The following GRIK1 variants were observed in gnomAD, a reference collection of about 807,000 sequenced individuals.
GRIK1 encodes the protein glutamate ionotropic receptor kainate type subunit 1.
GRIK1 carries 69 observed loss-of-function variants against 105.7 expected under a neutral mutation model. The ratio of observed to expected loss-of-function variants is 0.65; its 90% CI spans 0.54 to 0.80. The LOEUF (loss-of-function observed/expected upper bound fraction) is 0.80. Among genes scored for constraint, GRIK1 ranks in the 30% least tolerant of loss-of-function variants. The probability of loss-of-function intolerance (pLI) is 0.00; values close to 1 mark genes in which losing one functional copy is unlikely to be tolerated. For synonymous variants in GRIK1, 438 were observed against 431.3 expected (o/e 1.02, Z -0.19); for missense variants, 1,109 against 1,167.3 (o/e 0.95, Z 0.73).
intron 15 of GRIK1, among the ~76,000 whole-genome samples, chr21:29,560,413 C>CTTTCTT (rs1555835335): frequency 1.7e-5 from 2 of 120,860 alleles, no homozygotes; most frequent in Non-Finnish European, 3.3e-5. Flanking sequence ...TTCTTTCTTT[C>CTTTCTT]TTTCTTTCTT....
At chr21:29,810,981 C>G (rs1187942187) in intron 1 of GRIK1, among the ~76,000 whole-genome samples, 3 of 152,074 alleles carry the variant, frequency 2.0e-5, no homozygotes, top group Admixed American at 1.3e-4. Context: ...TTTAAACAAC[C>G]CTTCATGTTC....
intron 7 of GRIK1, among the ~76,000 whole-genome samples, chr21:29,638,739 A>G (rs752716122): frequency 4.6e-5 from 7 of 152,336 alleles, no homozygotes; most frequent in Non-Finnish European, 8.8e-5. Context: ...TCTAACTGCA[A>G]TCTTACTCCA....
intron 1 of GRIK1, among the ~76,000 whole-genome samples, chr21:29,921,001 G>A (rs765412302): frequency 3.9e-5 from 6 of 152,148 alleles, no homozygotes; most frequent in Non-Finnish European, 7.3e-5. Flanking sequence ...CTAGGTTTGT[G>A]TTCATAATCT....
At chr21:29,934,112 T>C (rs1326134171) in intron 1 of GRIK1, among the ~76,000 whole-genome samples, 1 of 152,230 alleles carries the variant, frequency 6.6e-6, no homozygotes, top group Admixed American at 6.5e-5. Flanking sequence ...CAGTTAATTG[T>C]ACACTCTAAC....
chr21:29,609,446 C>G (rs185429098), intron 7 of GRIK1, among the ~76,000 whole-genome samples: 2 of 152,212 alleles, frequency 1.3e-5, no homozygotes, highest in East Asian at 3.9e-4. Context: ...CATTATGTGT[C>G]AATTTGACTG....
intron 7 of GRIK1, among the ~76,000 whole-genome samples, chr21:29,611,777 T>C (rs1025599070): frequency 4.6e-5 from 7 of 152,210 alleles, no homozygotes; most frequent in African/African-American, 1.7e-4. Flanking sequence ...TTTTACATCC[T>C]AACTCTAGAC....
intron 4 of GRIK1, among the ~76,000 whole-genome samples, chr21:29,668,143 CGTT>C (rs2063095803): frequency 6.6e-6 from 1 of 152,146 alleles, no homozygotes; most frequent in Non-Finnish European, 1.5e-5. Context: ...ACTGAACACT[CGTT>C]GTGTGTCAAA....
At chr21:29,783,690 G>A (rs2066184876) in intron 1 of GRIK1, among the ~76,000 whole-genome samples, 1 of 151,984 alleles carries the variant, frequency 6.6e-6, no homozygotes, top group Admixed American at 6.6e-5. Context: ...ACATAATGCT[G>A]CATTTATCTT....
At chr21:29,830,298 C>T (rs1180657726) in intron 1 of GRIK1, among the ~76,000 whole-genome samples, 2 of 145,992 alleles carry the variant, frequency 1.4e-5, no homozygotes, top group South Asian at 2.2e-4. Flanking sequence ...TACACACCCA[C>T]CCACCTCCCC....
chr21:29,544,464 A>G (rs980034907), intron 16 of GRIK1, among the ~76,000 whole-genome samples: 1 of 152,160 alleles, frequency 6.6e-6, no homozygotes, highest in Non-Finnish European at 1.5e-5. Flanking sequence ...GCCCTGTAAT[A>G]TTTTGATATT....
chr21:29,889,163 A>G (rs1371766556), intron 1 of GRIK1, among the ~76,000 whole-genome samples: 1 of 152,206 alleles, frequency 6.6e-6, no homozygotes, highest in Non-Finnish European at 1.5e-5. Context: ...CAGAATACCA[A>G]ATAAATTTTA....
chr21:29,760,578 C>A (rs1334620793), intron 1 of GRIK1: 2 of 152,200 alleles, frequency 1.3e-5, no homozygotes. Flanking sequence ...CCTTTAAGAG[C>A]AATCATCACT....
chr21:29,628,880 G>T (rs191866858), intron 7 of GRIK1, among the ~76,000 whole-genome samples: 2 of 152,232 alleles, frequency 1.3e-5, no homozygotes, highest in East Asian at 1.9e-4. Context: ...TTTATGGATG[G>T]TTTATCTATG....
At chr21:29,759,418 C>T (rs1296003348) in intron 1 of GRIK1, among the ~76,000 whole-genome samples, 8 of 152,116 alleles carry the variant, frequency 5.3e-5, no homozygotes. Flanking sequence ...ACGCCCTGCC[C>T]AGTTCCCTTA....
At chr21:29,546,999 TAGAG>T (rs201255260) in intron 16 of GRIK1, among the ~76,000 whole-genome samples, 1,866 of 152,356 alleles carry the variant, frequency 0.012, 10 homozygotes, top group Middle Eastern at 0.037. Context: ...ACTTACAGAA[TAGAG>T]AGAGTCTTCC....
chr21:29,717,947 G>A (rs1327270531), intron 1 of GRIK1, among the ~76,000 whole-genome samples: 1 of 152,124 alleles, frequency 6.6e-6, no homozygotes, highest in African/African-American at 2.4e-5. Flanking sequence ...ATTGAATCAT[G>A]GGGGTGGTTA....
At chr21:29,600,023 T>C (rs1803369421) in intron 7 of GRIK1, among the ~76,000 whole-genome samples, 1 of 152,010 alleles carries the variant, frequency 6.6e-6, no homozygotes, top group African/African-American at 2.4e-5. Context: ...GAGGCAGAGG[T>C]TGCAGTGAGC....
intron 1 of GRIK1, among the ~76,000 whole-genome samples, chr21:29,898,547 T>C (rs796646549): frequency 3.3e-5 from 5 of 152,312 alleles, no homozygotes; most frequent in African/African-American, 9.6e-5. Context: ...AGATTCCATC[T>C]GGAAAAAGAT....
intron 1 of GRIK1, among the ~76,000 whole-genome samples, chr21:29,698,730 C>T (rs1302921778): frequency 6.6e-6 from 1 of 152,132 alleles, no homozygotes; most frequent in South Asian, 2.1e-4. Context: ...GATCAACGGT[C>T]AAGGTGCATG....
Sources: allele counts gnomAD v4.1 joint callset (sites outside exome capture counted in the v4.1 genomes callset), GRCh38; gene constraint gnomAD v4.1.1; transcripts MANE v1.5; gene names NCBI Gene and HGNC (gene_info 2026-07-23, HGNC 2026-07-21).